FGD5: variants seen among roughly 807,000 people sequenced by gnomAD.
FGD5 encodes the protein FYVE, RhoGEF and PH domain-containing protein 5.
In FGD5, 28 loss-of-function variants were observed where a neutral mutation model predicts 133.4. The ratio of observed to expected loss-of-function variants is 0.21; its 90% CI spans 0.16 to 0.29. The LOEUF (loss-of-function observed/expected upper bound fraction) is 0.29, where lower values mean the gene tolerates loss of function less well. FGD5 is among the 10% of genes least tolerant of loss of function. FGD5 has a pLI of 1.00. For synonymous variants in FGD5, 810 were observed against 776.5 expected (o/e 1.04, Z -0.72); for missense variants, 1,858 against 1,895.2 (o/e 0.98, Z 0.36).
chr3:14,904,025 T>A (rs1252510530), intron 9 of FGD5, among the ~76,000 whole-genome samples: 1 of 152,230 alleles, frequency 6.6e-6, no homozygotes, highest in African/African-American at 2.4e-5. Context: ...ATATGGCTAT[T>A]TGGGAAGAGG....
In FGD5 at chr3:14,820,187, A is replaced by G. The variant is rs2036455424; in HGVS notation, c.1116A>G (p.Leu372=). The G allele has an allele frequency of 4.3e-6, 7 of 1,613,614 alleles. No homozygotes were observed. Among genetic ancestry groups the G allele is most frequent in the South Asian group, 1.1e-5 (1 of 91,054 alleles). ...CTCTTTCTGAATCAGCGAAAGGTTT[A>G]GAATCAGAGCAGGCACCAAAGCTGG... ...CSPLSESAKG[L]ESEQAPKLGL... Residue 372 remains leucine, a synonymous_variant, in exon 1 of 20, where the codon TTA becomes TTG. Transcript: ENST00000285046.
intron 1 of FGD5, among the ~76,000 whole-genome samples, chr3:14,846,720 C>T (rs561911005): frequency 6.6e-6 from 1 of 152,332 alleles, no homozygotes; most frequent in South Asian, 2.1e-4. Context: ...ACCAGAGACC[C>T]CATTTTTACT....
chr3:14,902,956 T>G (rs747977751), intron 9 of FGD5, among the ~76,000 whole-genome samples: 1 of 152,218 alleles, frequency 6.6e-6, no homozygotes, highest in Non-Finnish European at 1.5e-5. Context: ...AGTTGGACGC[T>G]GTGCTGGGAA....
Position 14,910,975 on chromosome 3 carries a change from A to G in FGD5, c.3405+46A>G, listed in dbSNP as rs375681202. 346 of 1,571,910 alleles carry G rather than the reference A, an allele frequency of 2.2e-4. No homozygotes were observed. The African/African-American group carries it at 4.0e-3, about 18-fold the overall frequency. On this transcript the variant is annotated intron_variant, in intron 11 of 19. Transcript: ENST00000285046. ...CCCAGCTCAGGAACTGCCAAGTTCT[A>G]TGAGGTTTTCTAGGGCCATTATTCA...
Position 14,934,448 on chromosome 3 carries a change from C to T in FGD5, c.*1281C>T, listed in dbSNP as rs1020477832. ...ACAAAAAAGGGAATTTGCTGACAAA[C>T]TTTTTGTAAAAAGCACCATCTCTGG... On this transcript the variant is annotated 3_prime_UTR_variant, in exon 20 of 20. Transcript: ENST00000285046. 16 of 152,314 alleles carry T rather than the reference C, an allele frequency of 1.1e-4. No individual in the cohort carries two copies. The highest frequency in any genetic ancestry group is 3.8e-4 in the African/African-American group (16 of 41,572). 9.4% of individuals were successfully genotyped at this position (152,314 alleles called of 1,614,324 possible).
intron 9 of FGD5, among the ~76,000 whole-genome samples, chr3:14,903,499 C>T (rs1347717610): frequency 8.2e-6 from 1 of 121,970 alleles, no homozygotes; most frequent in East Asian, 2.9e-4. Flanking sequence ...GCTATCCCTC[C>T]CCCCTCCCCC....
intron 7 of FGD5, among the ~76,000 whole-genome samples, chr3:14,899,339 C>G (rs1364257015): frequency 6.6e-6 from 1 of 152,156 alleles, no homozygotes; most frequent in East Asian, 1.9e-4. Flanking sequence ...GTCAGAGCTT[C>G]TCAGGACTCA....
intron 13 of FGD5, among the ~76,000 whole-genome samples, chr3:14,921,132 C>A (rs532914660): frequency 6.6e-6 from 1 of 152,250 alleles, no homozygotes; most frequent in Admixed American, 6.5e-5. Context: ...CACCTTCCTG[C>A]TAGTCCAGAC....
At chr3:14,859,378 G>T (rs1413128702) in intron 1 of FGD5, among the ~76,000 whole-genome samples, 1 of 152,028 alleles carries the variant, frequency 6.6e-6, no homozygotes, top group African/African-American at 2.4e-5. Context: ...CCAAGATGGT[G>T]AATCCCTGTC....
chr3:14,922,317 C>T lies in FGD5; in HGVS notation c.3670-94C>T. The T allele has an allele frequency of 1.3e-6, 2 of 1,510,974 alleles. No homozygotes were observed. The highest frequency in any genetic ancestry group is 2.5e-5 in the East Asian group (1 of 40,620). The allele number at this position is 1,510,974 out of a possible 1,614,324, so 93.6% of individuals were successfully genotyped here. A position where few individuals can be genotyped will look rare whatever the true frequency, so the allele number is the denominator to read the frequency against. On this transcript the variant is annotated intron_variant, in intron 14 of 19. Coordinates refer to ENST00000285046, the MANE Select transcript of FGD5 (RefSeq NM_152536.4). The surrounding 1 kb of genome is among the most constrained non-coding windows in gnomAD (Gnocchi z 4.1). Reference sequence around the variant, plus strand: ...CCCACTCACCCACACATCACACACCCTGCACAGAGACGCAGGGCAGGGCTC... The same window carrying T: ...CCCACTCACCCACACATCACACACCTTGCACAGAGACGCAGGGCAGGGCTC...
rs1462752556 is a variant in FGD5 at position 14,819,418 on chromosome 3, C to G, written c.347C>G (p.Ala116Gly). ...GCATGTGGCCTGGAGGGTACAGGAGCTGGTGAGGATTCAGTGGCCCCTGCT... is the reference window on the plus strand; with the variant it reads ...GCATGTGGCCTGGAGGGTACAGGAGGTGGTGAGGATTCAGTGGCCCCTGCT... ...GEACGLEGTG[A>G]GEDSVAPAAP... The change falls in exon 1 of 20, where the codon GCT (alanine) becomes GGT (glycine). Residue 116 changes from alanine to glycine, a missense_variant. By Grantham distance (60) the Ala-to-Gly change is moderately conservative (BLOSUM62 0). Transcript: ENST00000285046. This position sits in a 1 kb window ranked among gnomAD's most constrained non-coding sequence, Gnocchi z 4.1. 6.5e-7 allele frequency: 1 copy of G among 1,549,804 alleles called. No homozygotes were observed. Among genetic ancestry groups the G allele is most frequent in the Non-Finnish European group, 8.7e-7 (1 of 1,146,102 alleles).
At chr3:14,931,390 T>C (rs952987762) in intron 18 of FGD5, 2 of 152,228 alleles carry the variant, frequency 1.3e-5, no homozygotes, top group African/African-American at 4.8e-5. Context: ...GGTCTCACTA[T>C]GTTGTCCAGG....
chr3:14,851,047 T>C (rs1164810200), intron 1 of FGD5, among the ~76,000 whole-genome samples: 1 of 152,248 alleles, frequency 6.6e-6, no homozygotes, highest in Middle Eastern at 3.4e-3. Flanking sequence ...AGTTCTCTTA[T>C]TTTACAGATG....
intron 1 of FGD5, among the ~76,000 whole-genome samples, chr3:14,856,644 T>G (rs1228164137): frequency 1.4e-5 from 2 of 146,926 alleles, no homozygotes; most frequent in Admixed American, 7.0e-5. Context: ...AAATGTAGTA[T>G]TGTGATTTTT....
At chr3:14,866,501 G>A (rs993898501) in intron 2 of FGD5, among the ~76,000 whole-genome samples, 1 of 152,100 alleles carries the variant, frequency 6.6e-6, no homozygotes, top group Non-Finnish European at 1.5e-5. Flanking sequence ...GAGCAGCCTA[G>A]GGACTAAGAA....
intron 1 of FGD5, among the ~76,000 whole-genome samples, chr3:14,863,832 C>T (rs1291169613): frequency 6.6e-6 from 1 of 152,248 alleles, no homozygotes; most frequent in Non-Finnish European, 1.5e-5. Context: ...CCAGATTCAA[C>T]ATCTTCTGCC....
At chr3:14,854,044 C>T (rs1553625374) in intron 1 of FGD5, among the ~76,000 whole-genome samples, 1 of 152,022 alleles carries the variant, frequency 6.6e-6, no homozygotes, top group Non-Finnish European at 1.5e-5. Context: ...TGCTGTATGT[C>T]AGCCCCTGGC....
Position 14,922,935 on chromosome 3 carries a change from G to T in FGD5, c.3808-111G>T. 6.8e-7 allele frequency: 1 copy of T among 1,465,962 alleles called. No homozygotes were observed. Among genetic ancestry groups the T allele is most frequent in the Non-Finnish European group, 9.4e-7 (1 of 1,065,006 alleles). The allele number at this position is 1,465,962 out of a possible 1,614,324, so 90.8% of individuals were successfully genotyped here. A position where few individuals can be genotyped will look rare whatever the true frequency, so the allele number is the denominator to read the frequency against. ...GCACAGCTCCATGATCAGAACCTGG[G>T]GCTCCCTAGGGGCAGTTGTGGGTGG... is the stretch of plus-strand genomic sequence containing the variant. On this transcript the variant is annotated intron_variant, in intron 15 of 19. Transcript: ENST00000285046. This position sits in a 1 kb window ranked among gnomAD's most constrained non-coding sequence, Gnocchi z 4.1.
intron 1 of FGD5, among the ~76,000 whole-genome samples, chr3:14,844,217 A>AAAAAAAAT (rs1559477363): frequency 3.4e-4 from 7 of 20,378 alleles, no homozygotes; most frequent in Non-Finnish European, 5.1e-4. Context: ...AAAAAAAAAA[A>AAAAAAAAT]ATATATATAT....
Sources: allele counts gnomAD v4.1 joint callset (sites outside exome capture counted in the v4.1 genomes callset), GRCh38; gene constraint gnomAD v4.1.1; non-coding constraint Gnocchi (gnomAD v3.1); transcripts MANE v1.5; gene names NCBI Gene and HGNC (gene_info 2026-07-23, HGNC 2026-07-21).